RANBP2: variants seen among roughly 807,000 people sequenced by gnomAD.
The protein encoded by RANBP2 is RAN binding protein 2.
In RANBP2, 57 loss-of-function variants were observed where a neutral mutation model predicts 303.6. The ratio of observed to expected loss-of-function variants is 0.19; its 90% CI spans 0.15 to 0.23. The LOEUF is 0.23. RANBP2 is among the 10% of genes least tolerant of loss of function. RANBP2 has a pLI of 1.00. For missense variants in RANBP2, 3,138 were observed against 3,780.8 expected, an observed-to-expected ratio of 0.83 and a Z score of 4.46; for synonymous variants, 1,167 against 1,301.5, an observed-to-expected ratio of 0.90 and a Z score of 2.23.
chr2:108,783,767 C>G lies in RANBP2; in HGVS notation c.9541C>G (p.His3181Asp), dbSNP rs1678421074. ...QFVITLKKAE[H>D]LDFKHVVFGF... The stretch of plus-strand genomic sequence containing the variant: ...TGTTATAACACTGAAGAAAGCAGAA[C>G]ATTTGGACTTTAAGCATGTAGTATT... The change falls in exon 29 of 29, where the codon CAT (histidine) becomes GAT (aspartate). Residue 3181 changes from histidine (H) to aspartate (D), a missense_variant. Physicochemically the swap from His to Asp is moderately conservative, Grantham distance 81. Around this residue, in one of 20 missense-constraint regions of RANBP2, gnomAD observed 204 missense variants for 228.4 expected, o/e 0.89. Coordinates refer to ENST00000283195, the MANE Select transcript of RANBP2 (RefSeq NM_006267.5). 3 of 1,612,734 alleles carry G rather than the reference C, an allele frequency of 1.9e-6. No individual in the cohort carries two copies. Among genetic ancestry groups the G allele is most frequent in the Non-Finnish European group, 8.5e-7 (1 of 1,178,960 alleles).
the RANBP2 span, chr2:108,882,305 G>C: frequency 6.6e-6 from 1 of 152,176 alleles, no homozygotes; most frequent in East Asian, 1.9e-4. Context: ...CTCACCAGAT[G>C]CAGGGTTGCC....
At chr2:109,675,484 C>A in the RANBP2 span, among the ~76,000 whole-genome samples, 2 of 152,056 alleles carry the variant, frequency 1.3e-5, no homozygotes, top group African/African-American at 2.4e-5. Flanking sequence ...GAGTTGGAGA[C>A]CAGCCTGGCC....
the RANBP2 span, among the ~76,000 whole-genome samples, chr2:109,721,012 G>A: frequency 1.3e-5 from 2 of 152,138 alleles, no homozygotes; most frequent in African/African-American, 4.8e-5. Context: ...CCACCAAGAG[G>A]GCTGGTGCAG....
the RANBP2 span, chr2:108,896,968 G>A: frequency 1.2e-6 from 2 of 1,613,698 alleles, no homozygotes; most frequent in South Asian, 2.2e-5. Context: ...CAGTATGTCT[G>A]CACACAAGGA....
chr2:109,452,876 A>G, the RANBP2 span, among the ~76,000 whole-genome samples: 15 of 99,778 alleles, frequency 1.5e-4, no homozygotes, highest in Non-Finnish European at 2.4e-4. Flanking sequence ...GGCTGGTGCC[A>G]GGAGGCTGGT....
chr2:108,763,249 G>T lies in RANBP2; in HGVS notation c.2710G>T (p.Gly904Cys). 6.2e-7 allele frequency: 1 copy of T among 1,613,560 alleles called. No homozygotes were observed. Among genetic ancestry groups the T allele is most frequent in the Non-Finnish European group, 8.5e-7 (1 of 1,179,890 alleles). Residue 904 changes from glycine to cysteine, a missense_variant, in exon 20 of 29, where the codon GGC becomes TGC. This residue lies in a region of RANBP2 where 403 missense variants were observed against 376.7 expected (regional missense o/e 1.07). Transcript: ENST00000283195. Reference sequence around the variant, plus strand: ...TTCTGTCTTTTAGGGCCCAGTCTATGGCATGAATAGGCTTCCACCCCAACA... The same window carrying T: ...TTCTGTCTTTTAGGGCCCAGTCTATTGCATGAATAGGCTTCCACCCCAACA... ...NVTPTKGPVY[G>C]MNRLPPQQHI...
the RANBP2 span, among the ~76,000 whole-genome samples, chr2:109,315,412 ATC>A: frequency 6.6e-6 from 1 of 152,226 alleles, no homozygotes; most frequent in African/African-American, 2.4e-5. Flanking sequence ...CTCTGTCCCT[ATC>A]TCTGTAGGAT....
At chr2:109,099,834 G>A in the RANBP2 span, among the ~76,000 whole-genome samples, 1 of 151,630 alleles carries the variant, frequency 6.6e-6, no homozygotes, top group Non-Finnish European at 1.5e-5. Context: ...TTTTCAGTTT[G>A]TCATCCTCTT....
the RANBP2 span, among the ~76,000 whole-genome samples, chr2:109,146,032 C>G: frequency 6.6e-6 from 1 of 152,074 alleles, no homozygotes; most frequent in Non-Finnish European, 1.5e-5. Context: ...TGTGGGCCGA[C>G]GGAGTCCATG....
the RANBP2 span, among the ~76,000 whole-genome samples, chr2:109,043,979 C>A: frequency 6.6e-6 from 1 of 151,984 alleles, no homozygotes; most frequent in Non-Finnish European, 1.5e-5. Flanking sequence ...GCCAGGCTGG[C>A]GTGGATGATG....
At chr2:109,417,837 G>T in the RANBP2 span, among the ~76,000 whole-genome samples, 2 of 152,178 alleles carry the variant, frequency 1.3e-5, no homozygotes, top group African/African-American at 4.8e-5. Flanking sequence ...CTCAGGGAGG[G>T]GCAGGTAGGT....
the RANBP2 span, among the ~76,000 whole-genome samples, chr2:109,085,467 C>A: frequency 6.6e-6 from 1 of 151,844 alleles, no homozygotes; most frequent in African/African-American, 2.4e-5. Flanking sequence ...CCACGCCTCG[C>A]TAATTTTTTG....
At chr2:109,629,232 A>AAATAAAT in the RANBP2 span, among the ~76,000 whole-genome samples, 991 of 135,746 alleles carry the variant, frequency 7.3e-3, 18 homozygotes, top group South Asian at 0.052. Context: ...ATAAATAAAT[A>AAATAAAT]AATAAAATGC....
At chr2:109,031,934 C>G in the RANBP2 span, among the ~76,000 whole-genome samples, 1 of 139,894 alleles carries the variant, frequency 7.1e-6, no homozygotes, top group Non-Finnish European at 1.5e-5. Flanking sequence ...TCCGTTCACT[C>G]TCTTTGACCT....
intron 8 of RANBP2, among the ~76,000 whole-genome samples, 157 bp downstream of exon 8, chr2:108,746,955 A>G (rs1696566064): frequency 6.6e-6 from 1 of 152,254 alleles, no homozygotes; most frequent in Non-Finnish European, 1.5e-5. Context: ...AAGAGATGTG[A>G]AAAATAGCAC....
chr2:109,766,118 A>C, the RANBP2 span, among the ~76,000 whole-genome samples: 1 of 150,610 alleles, frequency 6.6e-6, no homozygotes, highest in African/African-American at 2.4e-5. Flanking sequence ...ACACTGGCCG[A>C]AGGTCACCGT....
At chr2:108,769,965 T>A (rs1380886756) in intron 20 of RANBP2, among the ~76,000 whole-genome samples, 1 of 150,344 alleles carries the variant, frequency 6.7e-6, no homozygotes, top group Admixed American at 6.6e-5. Flanking sequence ...TTTTTTTTTT[T>A]AAGTATACCA....
the RANBP2 span, among the ~76,000 whole-genome samples, chr2:108,993,723 G>C: frequency 2.6e-5 from 4 of 152,172 alleles, no homozygotes; most frequent in African/African-American, 7.2e-5. Flanking sequence ...TCTGCATTTA[G>C]TTATTTAACT....
At chr2:108,958,427 C>A in the RANBP2 span, among the ~76,000 whole-genome samples, 1 of 151,290 alleles carries the variant, frequency 6.6e-6, no homozygotes, top group Non-Finnish European at 1.5e-5. Context: ...AAACAAAAAA[C>A]AAAAAACAAA....
Sources: gnomAD v4.1 joint callset for allele counts (sites outside exome capture counted in the v4.1 genomes callset) on GRCh38, gnomAD v4.1.1 for gene constraint, gnomAD v4.1.1 regional missense constraint, MANE v1.5 for transcripts, NCBI Gene and HGNC (gene_info 2026-07-23, HGNC 2026-07-21) for gene names.